SMC1A: variants seen among roughly 807,000 people sequenced by gnomAD.
SMC1A encodes structural maintenance of chromosomes protein 1A.
In SMC1A, 4 loss-of-function variants were observed where a neutral mutation model predicts 94.5. The ratio of observed to expected loss-of-function variants is 0.04; its 90% CI spans 0.02 to 0.10. The LOEUF is 0.10. Ranked by LOEUF, SMC1A falls within the 10% of genes least tolerant of loss-of-function variation. The pLI, the probability that SMC1A is intolerant of heterozygous loss-of-function variation, is 1.00. For missense variants in SMC1A, 304 were observed against 989.0 expected, an observed-to-expected ratio of 0.31 and a Z score of 9.29; for synonymous variants, 345 against 347.7, an observed-to-expected ratio of 0.99 and a Z score of 0.09.
Position 53,422,480 on chromosome X carries a change from G to C in SMC1A, c.109+12C>G, listed in dbSNP as rs782276401. Reference sequence around the variant, plus strand: ...CGGGACGTGCGCAGGGCCGCGGCCAGGTTTATCTCACCAGAGCCATTGGGT... The same window carrying C: ...CGGGACGTGCGCAGGGCCGCGGCCACGTTTATCTCACCAGAGCCATTGGGT... On this transcript the variant is annotated intron_variant, in intron 1 of 24. Transcript: ENST00000322213. 4 of 1,127,307 alleles carry C rather than the reference G, an allele frequency of 3.5e-6. No homozygotes were observed. Among genetic ancestry groups the C allele is most frequent in the Non-Finnish European group, 4.9e-6 (4 of 818,481 alleles). The allele number at this position is 1,127,307 out of a possible 1,213,427, so 92.9% of individuals were successfully genotyped here.
chrX:53,390,973 C>CAAAAAAAAAAAAAAAAAAAA (rs782771730), intron 19 of SMC1A, among the ~76,000 whole-genome samples: 4 of 34,323 alleles, frequency 1.2e-4, no homozygotes, highest in Admixed American at 6.2e-4. Flanking sequence ...GACTCCGTCT[C>CAAAAAAAAAAAAAAAAAAAA]AAAAAAAAAA....
At chrX:53,396,675 G>A in intron 16 of SMC1A, 58 bp from the exon 17 acceptor site, 1 of 1,146,292 alleles carries the variant, frequency 8.7e-7, no homozygotes, top group Non-Finnish European at 1.2e-6. Flanking sequence ...CTTACCCTGG[G>A]ATATTCTCCT....
At chrX:53,419,357 T>C (rs917943120) in intron 1 of SMC1A, among the ~76,000 whole-genome samples, 2 of 108,846 alleles carry the variant, frequency 1.8e-5, no homozygotes, top group Non-Finnish European at 3.8e-5. Flanking sequence ...CAAAATCCCA[T>C]CTCTACAAAA....
In SMC1A at chrX:53,396,315, T is replaced by G. The variant is rs1230216654; in HGVS notation, c.2774A>C (p.Asp925Ala). The change falls in exon 18 of 25, where the codon GAC (aspartate) becomes GCC (alanine). Residue 925 changes from aspartate to alanine, a missense_variant. Coordinates refer to ENST00000322213, the MANE Select transcript of SMC1A (RefSeq NM_006306.4). ...IETKLEQKRS[D>A]RHNLLQACKM... ...ACAGGCCTGTAGCAAGTTGTGACGG[T>G]CACTGCGCTTCTGTTCAAGCTTGGT... is the stretch of plus-strand genomic sequence containing the variant. 8.3e-7 allele frequency: 1 copy of G among 1,209,290 alleles called. No individual in the cohort carries two copies. Among genetic ancestry groups the G allele is most frequent in the Non-Finnish European group, 1.1e-6 (1 of 894,859 alleles).
chrX:53,396,766 C>T (rs1292544569), intron 16 of SMC1A, 149 bp from the exon 17 acceptor site: 3 of 607,293 alleles, frequency 4.9e-6, no homozygotes, highest in East Asian at 3.5e-5. Context: ...ACCCCTCAGC[C>T]TCCTATCTTT....
At chrX:53,396,018 TTC>T (rs1453621893) in intron 18 of SMC1A, among the ~76,000 whole-genome samples, 2 of 111,097 alleles carry the variant, frequency 1.8e-5, no homozygotes, top group African/African-American at 3.3e-5. Flanking sequence ...CCAATTCAAC[TTC>T]TCTCTCACAC....
chrX:53,400,792 C>A (rs971386991), intron 15 of SMC1A, among the ~76,000 whole-genome samples: 1 of 111,849 alleles, frequency 8.9e-6, no homozygotes, highest in Non-Finnish European at 1.9e-5. Flanking sequence ...TATGGTGTGA[C>A]AGATGTTGCC....
intron 9 of SMC1A, among the ~76,000 whole-genome samples, chrX:53,407,260 T>A (rs961014894): frequency 1.5e-4 from 17 of 111,280 alleles, no homozygotes; most frequent in Non-Finnish European, 2.8e-4. Context: ...GACTCTTAGC[T>A]CCACCCCTAC....
At chrX:53,406,828 G>C (rs1159279823) in intron 9 of SMC1A, among the ~76,000 whole-genome samples, 1 of 111,466 alleles carries the variant, frequency 9.0e-6, no homozygotes, top group African/African-American at 3.3e-5. Context: ...CTCCCGAGTA[G>C]CTGGGATTAC....
At chrX:53,384,735 T>C (rs1423362772) in intron 19 of SMC1A, among the ~76,000 whole-genome samples, 1 of 110,857 alleles carries the variant, frequency 9.0e-6, no homozygotes, top group Non-Finnish European at 1.9e-5. Flanking sequence ...CACTTGAGAA[T>C]AGGAATTTGA....
chrX:53,413,055 C>A lies in SMC1A; in HGVS notation c.699G>T (p.Val233=). 6 of 1,211,440 alleles carry A rather than the reference C, an allele frequency of 5.0e-6. No individual in the cohort carries two copies. The highest frequency in any genetic ancestry group is 6.7e-6 in the Non-Finnish European group (6 of 895,448). The change falls in exon 5 of 25, where the codon GTG becomes GTT. Residue 233 remains valine, a synonymous_variant. Coordinates refer to ENST00000322213, the MANE Select transcript of SMC1A (RefSeq NM_006306.4). ...GTTCCTTGTTGAGCTTCTCAATTTC[C>A]ACTTCATTATGGTAAAGCTTAAAGA... ...LQLFKLYHNE[V]EIEKLNKELA...
rs919941143 is a variant in SMC1A, at chrX:53,377,738, T to C, written c.*2365A>G. ...TCTAGATGCCAGCCAAATTGCTTCA[T>C]ATATATTTAATTTTCTCTTTGCTTC... On this transcript the variant is annotated 3_prime_UTR_variant, in exon 25 of 25. Transcript: ENST00000322213. 1.8e-5 allele frequency: 2 copies of C among 111,123 alleles called. No homozygotes were observed. Among genetic ancestry groups the C allele is most frequent in the Admixed American group, 1.9e-4 (2 of 10,347 alleles). The allele number at this position is 111,123 out of a possible 1,213,427, so 9.2% of individuals were successfully genotyped here. A position where few individuals can be genotyped will look rare whatever the true frequency, so the allele number is the denominator to read the frequency against.
intron 9 of SMC1A, among the ~76,000 whole-genome samples, chrX:53,406,267 C>T (rs192319798): frequency 9.0e-6 from 1 of 111,375 alleles, no homozygotes; most frequent in Non-Finnish European, 1.9e-5. Flanking sequence ...CCATGCAACC[C>T]TACCCTATCT....
At chrX:53,414,913 C>T (rs1406692294) in intron 2 of SMC1A, 43 bp from the exon 3 acceptor site, 14 of 1,191,331 alleles carry the variant, frequency 1.2e-5, no homozygotes, top group Non-Finnish European at 1.5e-5. Flanking sequence ...GGCCTCCTTC[C>T]TGTCCCAATC....
At chrX:53,389,798 T>C (rs2075620145) in intron 19 of SMC1A, among the ~76,000 whole-genome samples, 1 of 109,658 alleles carries the variant, frequency 9.1e-6, no homozygotes, top group African/African-American at 3.3e-5. Flanking sequence ...CTTTCAGAGA[T>C]GTATCCTGCA....
chrX:53,391,004 G>GAAAAAAAAAAAAAAAAAAA (rs1175710151), intron 19 of SMC1A, among the ~76,000 whole-genome samples: 1 of 54,005 alleles, frequency 1.9e-5, no homozygotes, highest in African/African-American at 7.1e-5. Flanking sequence ...AAAAGAAAAA[G>GAAAAAAAAAAAAAAAAAAA]AAAAAAAAAA....
At chrX:53,406,877 T>A (rs1220919440) in intron 9 of SMC1A, among the ~76,000 whole-genome samples, 1 of 111,392 alleles carries the variant, frequency 9.0e-6, no homozygotes, top group East Asian at 2.8e-4. Flanking sequence ...TTTGTATTTT[T>A]AGTAGAGACG....
chrX:53,420,533 A>G (rs1463189124), intron 1 of SMC1A, among the ~76,000 whole-genome samples: 2 of 110,709 alleles, frequency 1.8e-5, no homozygotes, highest in African/African-American at 3.3e-5. Context: ...AAAAAAAAAA[A>G]AAAGAAAAGA....
chrX:53,417,941 G>A (rs2075738649), intron 1 of SMC1A, among the ~76,000 whole-genome samples: 1 of 112,343 alleles, frequency 8.9e-6, no homozygotes, highest in South Asian at 3.7e-4. Context: ...AAACAGTGCA[G>A]CAGTGATTGC....
Sources: allele counts gnomAD v4.1 joint callset (sites outside exome capture counted in the v4.1 genomes callset), GRCh38; gene constraint gnomAD v4.1.1; transcripts MANE v1.5; gene names NCBI Gene and HGNC (gene_info 2026-07-23, HGNC 2026-07-21).